NRG3: variants seen among roughly 807,000 people sequenced by gnomAD.
NRG3 encodes neuregulin 3.
In NRG3, 31 loss-of-function variants were observed where a neutral mutation model predicts 66.9. The ratio of observed to expected loss-of-function variants is 0.46; its 90% CI spans 0.35 to 0.63. The LOEUF (loss-of-function observed/expected upper bound fraction) is 0.63, where lower values mean the gene tolerates loss of function less well. Among genes scored for constraint, NRG3 ranks in the 20% least tolerant of loss-of-function variants. NRG3 has a pLI of 0.00. For missense variants in NRG3, 910 were observed against 878.9 expected (o/e 1.04, Z -0.45); for synonymous variants, 393 against 359.4 (o/e 1.09, Z -1.06).
intron 1 of NRG3, among the ~76,000 whole-genome samples, chr10:81,926,356 A>G (rs1211462090): frequency 6.6e-6 from 1 of 152,018 alleles, no homozygotes; most frequent in Non-Finnish European, 1.5e-5. Flanking sequence ...CCTGACGTCA[A>G]GTAATACATC....
intron 3 of NRG3, among the ~76,000 whole-genome samples, chr10:82,767,265 A>G (rs989324316): frequency 6.6e-6 from 1 of 151,856 alleles, no homozygotes; most frequent in African/African-American, 2.4e-5. Context: ...TGCTGCCTGC[A>G]TGTCTTCTTG....
At chr10:82,306,358 T>C (rs2080723956) in intron 1 of NRG3, among the ~76,000 whole-genome samples, 1 of 152,142 alleles carries the variant, frequency 6.6e-6, no homozygotes, top group African/African-American at 2.4e-5. Context: ...TCAAAAAGTG[T>C]TCTTTTATAG....
At chr10:82,524,062 C>A (rs1372371036) in intron 2 of NRG3, among the ~76,000 whole-genome samples, 1 of 151,856 alleles carries the variant, frequency 6.6e-6, no homozygotes, top group Non-Finnish European at 1.5e-5. Context: ...TCACAATTAC[C>A]CTGGAACATC....
chr10:82,265,238 C>A (rs1381037880), intron 1 of NRG3, among the ~76,000 whole-genome samples: 1 of 152,110 alleles, frequency 6.6e-6, no homozygotes. Context: ...TTATCTGCAT[C>A]ATGATACATG....
chr10:82,008,613 A>G (rs1313946459), intron 1 of NRG3, among the ~76,000 whole-genome samples: 1 of 152,204 alleles, frequency 6.6e-6, no homozygotes, highest in Non-Finnish European at 1.5e-5. Flanking sequence ...CTACCTGTGT[A>G]CTTGCCTCAT....
chr10:82,865,440 A>T lies in NRG3; in HGVS notation c.1054+3A>T. On this transcript the variant is annotated splice_donor_region_variant and intron_variant, in intron 4 of 8. Coordinates refer to ENST00000372141, the MANE Select transcript of NRG3 (RefSeq NM_001010848.4). The stretch of plus-strand genomic sequence containing the variant: ...CCACTTGGGGATTGAATTCATGGGT[A>T]AGACTAAACAATTTGCTCATTTAAT... The T allele has an allele frequency of 6.2e-7, 1 of 1,612,520 alleles. No homozygotes were observed. The highest frequency in any genetic ancestry group is 8.5e-7 in the Non-Finnish European group (1 of 1,179,040).
At chr10:82,236,948 C>G (rs915066437) in intron 1 of NRG3, among the ~76,000 whole-genome samples, 9 of 152,116 alleles carry the variant, frequency 5.9e-5, no homozygotes, top group Admixed American at 2.0e-4. Flanking sequence ...ATCTCCTGAC[C>G]TTGTGGTCCG....
intron 2 of NRG3, among the ~76,000 whole-genome samples, chr10:82,399,619 TA>T (rs2086944588): frequency 6.6e-6 from 1 of 152,188 alleles, no homozygotes; most frequent in Non-Finnish European, 1.5e-5. Context: ...GGCAGAAAGA[TA>T]AATGTCTAAA....
chr10:82,077,166 T>C (rs1481955507), intron 1 of NRG3, among the ~76,000 whole-genome samples: 3 of 152,214 alleles, frequency 2.0e-5, no homozygotes, highest in Non-Finnish European at 4.4e-5. Flanking sequence ...ATCAGCCATT[T>C]TTCACTTCTG....
intron 1 of NRG3, among the ~76,000 whole-genome samples, chr10:82,231,292 T>C (rs2076446972): frequency 6.6e-6 from 1 of 151,844 alleles, no homozygotes. Context: ...GAGGTTGCAG[T>C]GAGCCATGAT....
At chr10:82,450,681 C>T (rs567553490) in intron 2 of NRG3, among the ~76,000 whole-genome samples, 2 of 152,242 alleles carry the variant, frequency 1.3e-5, no homozygotes, top group East Asian at 3.9e-4. Flanking sequence ...TTAAAAAAGG[C>T]ACTTTAAATA....
At chr10:82,041,000 C>T (rs960892305) in intron 1 of NRG3, among the ~76,000 whole-genome samples, 1 of 152,046 alleles carries the variant, frequency 6.6e-6, no homozygotes, top group Non-Finnish European at 1.5e-5. Flanking sequence ...ACAGGTAAAA[C>T]ATTGCATATC....
At chr10:81,904,912 T>G (rs934661975) in intron 1 of NRG3, among the ~76,000 whole-genome samples, 1 of 152,082 alleles carries the variant, frequency 6.6e-6, no homozygotes, top group African/African-American at 2.4e-5. Flanking sequence ...TGCAGTGAGT[T>G]GAAACACAGT....
intron 1 of NRG3, among the ~76,000 whole-genome samples, chr10:82,299,813 G>A (rs2080289927): frequency 6.6e-6 from 1 of 151,856 alleles, no homozygotes; most frequent in Non-Finnish European, 1.5e-5. Flanking sequence ...GAGAGACAAG[G>A]GAATTCCCCA....
intron 1 of NRG3, among the ~76,000 whole-genome samples, chr10:81,892,467 C>T (rs1843110535): frequency 6.6e-6 from 1 of 152,000 alleles, no homozygotes; most frequent in African/African-American, 2.4e-5. Flanking sequence ...CTGAATTTTA[C>T]AAAGAGTGTT....
chr10:82,934,670 T>C (rs1847891749), intron 4 of NRG3, among the ~76,000 whole-genome samples: 1 of 152,210 alleles, frequency 6.6e-6, no homozygotes, highest in Non-Finnish European at 1.5e-5. Context: ...GTTTCTCATC[T>C]AGCATCCTAA....
intron 1 of NRG3, among the ~76,000 whole-genome samples, chr10:81,941,447 GT>G (rs1848396671): frequency 1.3e-5 from 2 of 152,078 alleles, no homozygotes; most frequent in African/African-American, 4.8e-5. Flanking sequence ...TAATTTCTAC[GT>G]GTGCATCTAT....
At chr10:81,987,040 A>G (rs2060548570) in intron 1 of NRG3, among the ~76,000 whole-genome samples, 1 of 151,970 alleles carries the variant, frequency 6.6e-6, no homozygotes. Context: ...TAACTTTGAA[A>G]ACTATATTAC....
chr10:82,505,411 G>GTA (rs1844576538), intron 2 of NRG3, among the ~76,000 whole-genome samples: 1 of 152,230 alleles, frequency 6.6e-6, no homozygotes, highest in Admixed American at 6.5e-5. Context: ...AAGTATTTCA[G>GTA]TGTTTTAACA....
Sources: allele counts gnomAD v4.1 joint callset (sites outside exome capture counted in the v4.1 genomes callset), GRCh38; gene constraint gnomAD v4.1.1; transcripts MANE v1.5; gene names NCBI Gene and HGNC (gene_info 2026-07-23, HGNC 2026-07-21).